The following USP39 variants were observed in gnomAD, a reference collection of about 807,000 sequenced individuals.
USP39 encodes ubiquitin specific peptidase 39, also known as ubiquitin carboxyl-terminal hydrolase 39.
Under a neutral mutation model 66.4 loss-of-function variants are expected in USP39, and 38 were observed. That is an observed-to-expected ratio of 0.57 (90% CI 0.44 to 0.75). USP39 has a LOEUF of 0.75. USP39 is among the 30% of genes least tolerant of loss of function. USP39 has a pLI of 0.00. For synonymous variants in USP39, 303 were observed against 274.6 expected (o/e 1.10, Z -1.02); for missense variants, 608 against 714.4 (o/e 0.85, Z 1.70).
chr2:85,641,460 A>G (rs915202125), intron 10 of USP39, among the ~76,000 whole-genome samples: 1 of 152,118 alleles, frequency 6.6e-6, no homozygotes, highest in Non-Finnish European at 1.5e-5. Context: ...CTGCCCATCT[A>G]TTTGCTGGCC....
chr2:85,633,853 T>C (rs964704029), intron 6 of USP39, among the ~76,000 whole-genome samples: 1 of 130,968 alleles, frequency 7.6e-6, no homozygotes, highest in Admixed American at 7.2e-5. Flanking sequence ...TTTTTTTTTT[T>C]TTGAGACAGA....
At chr2:85,644,103 G>T (rs1358741779) in intron 10 of USP39, among the ~76,000 whole-genome samples, 1 of 152,138 alleles carries the variant, frequency 6.6e-6, no homozygotes, top group Non-Finnish European at 1.5e-5. Flanking sequence ...TTACCACATG[G>T]TTTACATTTT....
At position 85,616,321 on chromosome 2, in the gene USP39, C is replaced by A; in HGVS notation, c.126C>A (p.Ser42Arg). ...GGGAGCGGGAGCCTGAGGCGGCGAG[C>A]TCCCGGGGCAGCCCTGTGCGCGTGA... ...RDREREPEAASSRGSPVRVKR... is the reference protein window; with the variant it reads ...RDREREPEAARSRGSPVRVKR... Residue 42 changes from serine to arginine, a missense_variant, in exon 1 of 13, where the codon AGC (serine) becomes AGA (arginine). This residue lies in a region of USP39 where 207 missense variants were observed against 145.7 expected (regional missense o/e 1.42). Transcript: ENST00000323701. 6.3e-7 allele frequency: 1 copy of A among 1,586,464 alleles called. No homozygotes were observed. Among genetic ancestry groups the A allele is most frequent in the Non-Finnish European group, 8.6e-7 (1 of 1,165,570 alleles).
At chr2:85,607,162 G>A (rs1421894611), upstream of USP39, 1 of 152,172 alleles carries the variant, frequency 6.6e-6, no homozygotes, top group African/African-American at 2.4e-5. Context: ...CCAGCTGTGC[G>A]AAAACAGACC....
intron 10 of USP39, among the ~76,000 whole-genome samples, chr2:85,643,469 G>A (rs1388501838): frequency 6.6e-6 from 1 of 151,756 alleles, no homozygotes; most frequent in Non-Finnish European, 1.5e-5. Context: ...ACTCCAGTCT[G>A]GGCGACAGAG....
intron 4 of USP39, among the ~76,000 whole-genome samples, chr2:85,625,183 T>C (rs1473062713): frequency 5.9e-5 from 9 of 152,284 alleles, no homozygotes; most frequent in African/African-American, 1.9e-4. Context: ...GCTCCAAAGC[T>C]AGGTCCATGT....
At chr2:85,631,171 C>T (rs1019293720) in intron 6 of USP39, among the ~76,000 whole-genome samples, 2 of 152,000 alleles carry the variant, frequency 1.3e-5, no homozygotes, top group Non-Finnish European at 2.9e-5. Context: ...CGCACCACCA[C>T]GCCCGGCTAA....
At chr2:85,636,987 A>G (rs1226244019) in intron 7 of USP39, among the ~76,000 whole-genome samples, 1 of 152,088 alleles carries the variant, frequency 6.6e-6, no homozygotes, top group East Asian at 1.9e-4. Flanking sequence ...TCTTCATTAC[A>G]GTTTGGACAT....
chr2:85,609,674 A>T (rs772772553), upstream of USP39: 15 of 1,515,208 alleles, frequency 9.9e-6, no homozygotes, highest in Non-Finnish European at 1.3e-5. Context: ...ATATACGGTT[A>T]GGAAAGCCCC....
At chr2:85,636,826 C>G (rs989006057) in intron 7 of USP39, among the ~76,000 whole-genome samples, 2 of 152,150 alleles carry the variant, frequency 1.3e-5, no homozygotes, top group Non-Finnish European at 2.9e-5. Flanking sequence ...ACTGGATGGC[C>G]CTGCCCTCTC....
intron 10 of USP39, 132 bp from the exon 11 acceptor site, chr2:85,644,816 A>T: frequency 8.3e-7 from 1 of 1,210,216 alleles, no homozygotes; most frequent in Non-Finnish European, 1.1e-6. Flanking sequence ...GACCTTCTTG[A>T]CTCTGCAAGC....
chr2:85,630,025 A>C (rs2104293404), intron 5 of USP39, among the ~76,000 whole-genome samples: 1 of 152,126 alleles, frequency 6.6e-6, no homozygotes, highest in African/African-American at 2.4e-5. Flanking sequence ...TACATGAATA[A>C]GTTCTTTAGT....
rs1676528620 is a variant in USP39 at position 85,645,015 on chromosome 2, C to T, written c.1495C>T (p.Leu499Phe). ...AGTACACAAGAATACCACCTATGAC[C>T]TCATTGCCAACATCGTGCATGACGG... ...QAVHKNTTYD[L>F]IANIVHDGKP... The change falls in exon 11 of 13, where the codon CTC (leucine) becomes TTC (phenylalanine). Residue 499 changes from leucine to phenylalanine, a missense_variant. This residue lies in a region of USP39 where 164 missense variants were observed against 250.3 expected (regional missense o/e 0.66). Coordinates refer to ENST00000323701, the MANE Select transcript of USP39 (RefSeq NM_006590.4). 1.9e-6 allele frequency: 3 copies of T among 1,614,178 alleles called. No individual in the cohort carries two copies. Among genetic ancestry groups the T allele is most frequent in the Non-Finnish European group, 2.5e-6 (3 of 1,180,030 alleles).
intron 8 of USP39, among the ~76,000 whole-genome samples, chr2:85,638,578 G>T (rs1439640246): frequency 1.3e-5 from 2 of 151,760 alleles, no homozygotes; most frequent in African/African-American, 4.8e-5. Flanking sequence ...CACTCTTGTT[G>T]CCCAGGCTGG....
intron 8 of USP39, among the ~76,000 whole-genome samples, 162 bp from the exon 9 acceptor site, chr2:85,639,041 G>A (rs1013370083): frequency 7.2e-5 from 11 of 152,078 alleles, no homozygotes; most frequent in African/African-American, 2.2e-4. Context: ...TGGTTCTTAA[G>A]TTAATCTAAC....
intron 1 of USP39, among the ~76,000 whole-genome samples, 153 bp downstream of exon 1, chr2:85,616,616 C>T (rs1288979844): frequency 6.6e-6 from 1 of 151,442 alleles, no homozygotes; most frequent in Non-Finnish European, 1.5e-5. Context: ...GACGATTCTG[C>T]TGTTCGACTT....
chr2:85,643,257 A>G (rs918384249), intron 10 of USP39, among the ~76,000 whole-genome samples: 16 of 152,012 alleles, frequency 1.1e-4, no homozygotes, highest in South Asian at 2.1e-4. Context: ...TTGGGAGGCC[A>G]AGGCGGGCGG....
chr2:85,612,185 T>C (rs1673601818), upstream of USP39: 7 of 988,372 alleles, frequency 7.1e-6, no homozygotes, highest in Admixed American at 1.8e-4. Context: ...TATGCTTGAC[T>C]TCCACCCCCC....
chr2:85,613,444 G>A (rs894870518), upstream of USP39, among the ~76,000 whole-genome samples: 2 of 152,048 alleles, frequency 1.3e-5, no homozygotes, highest in Non-Finnish European at 2.9e-5. Flanking sequence ...CCCGGGAGGC[G>A]GAGGTTGCAG....
Sources: gnomAD v4.1 joint callset for allele counts (sites outside exome capture counted in the v4.1 genomes callset) on GRCh38, gnomAD v4.1.1 for gene constraint, gnomAD v4.1.1 regional missense constraint, MANE v1.5 for transcripts, NCBI Gene and HGNC (gene_info 2026-07-23, HGNC 2026-07-21) for gene names.